The following RIMS2 variants were observed in gnomAD, a reference collection of about 807,000 sequenced individuals.
RIMS2 encodes regulating synaptic membrane exocytosis 2.
Under a neutral mutation model 174.4 loss-of-function variants are expected in RIMS2, and 59 were observed. The ratio of observed to expected loss-of-function variants is 0.34; its 90% CI spans 0.27 to 0.42. RIMS2 has a LOEUF of 0.42. Among genes scored for constraint, RIMS2 ranks in the 10% least tolerant of loss-of-function variants. The pLI, the probability that RIMS2 is intolerant of heterozygous loss-of-function variation, is 1.00. For missense variants in RIMS2, 1,620 were observed against 1,666.3 expected, an observed-to-expected ratio of 0.97 and a Z score of 0.48; for synonymous variants, 606 against 572.5, an observed-to-expected ratio of 1.06 and a Z score of -0.84.
chr8:104,211,601 G>A (rs183968023), intron 19 of RIMS2, among the ~76,000 whole-genome samples: 60 of 149,992 alleles, frequency 4.0e-4, no homozygotes, highest in African/African-American at 1.4e-3. Context: ...GTTTCGCTCT[G>A]TTGCCCCGAC....
At chr8:103,554,493 C>G (rs1849530299) in intron 1 of RIMS2, among the ~76,000 whole-genome samples, 1 of 152,126 alleles carries the variant, frequency 6.6e-6, no homozygotes, top group East Asian at 1.9e-4. Flanking sequence ...GAGATACCAT[C>G]TCACCAGTCA....
chr8:103,603,288 C>A (rs895918250), intron 1 of RIMS2, among the ~76,000 whole-genome samples: 2 of 151,614 alleles, frequency 1.3e-5, no homozygotes, highest in African/African-American at 2.4e-5. Context: ...GAGAATGATG[C>A]TTTCCAATTT....
At chr8:103,992,538 G>A (rs111683536) in intron 17 of RIMS2, among the ~76,000 whole-genome samples, 2 of 152,164 alleles carry the variant, frequency 1.3e-5, no homozygotes, top group African/African-American at 4.8e-5. Context: ...AAGACCAAGA[G>A]CAAGGATAGA....
At chr8:103,904,589 C>T (rs1231289824) in intron 4 of RIMS2, among the ~76,000 whole-genome samples, 2 of 151,970 alleles carry the variant, frequency 1.3e-5, no homozygotes, top group Non-Finnish European at 2.9e-5. Context: ...ATATGTGGAT[C>T]ACACTGATTT....
chr8:103,996,155 A>C (rs1325995272), intron 17 of RIMS2, among the ~76,000 whole-genome samples: 2 of 151,894 alleles, frequency 1.3e-5, no homozygotes, highest in East Asian at 3.9e-4. Flanking sequence ...TACCTGAGAG[A>C]CTGCTATGAC....
intron 15 of RIMS2, among the ~76,000 whole-genome samples, chr8:103,963,748 G>T (rs903461614): frequency 2.0e-5 from 3 of 152,104 alleles, no homozygotes; most frequent in East Asian, 3.9e-4. Flanking sequence ...CTCACTCTTG[G>T]TGTCAAATAT....
chr8:103,818,824 A>C (rs2098733993), intron 3 of RIMS2, among the ~76,000 whole-genome samples: 1 of 152,158 alleles, frequency 6.6e-6, no homozygotes, highest in South Asian at 2.1e-4. Flanking sequence ...ATGTTTTCCA[A>C]ATGTACTTCT....
At chr8:104,081,810 T>G (rs2097425468) in intron 19 of RIMS2, among the ~76,000 whole-genome samples, 1 of 152,086 alleles carries the variant, frequency 6.6e-6, no homozygotes, top group Non-Finnish European at 1.5e-5. Context: ...TAAAATATGG[T>G]GAACTTGTGA....
chr8:103,792,557 G>A (rs559655718), intron 3 of RIMS2, among the ~76,000 whole-genome samples: 1 of 146,948 alleles, frequency 6.8e-6, no homozygotes, highest in South Asian at 2.1e-4. Flanking sequence ...CAGAAGGCAA[G>A]AAATAACTAA....
At chr8:104,015,936 C>A (rs1036592085) in intron 19 of RIMS2, among the ~76,000 whole-genome samples, 1 of 151,982 alleles carries the variant, frequency 6.6e-6, no homozygotes, top group Admixed American at 6.6e-5. Context: ...TTGTGGCTTG[C>A]GTTTCCAACA....
rs534339065 is a variant in RIMS2, at chr8:104,234,256, T to A, written c.3335-10660T>A. Among the ~76,000 whole-genome samples, 4 of 152,236 alleles carry A rather than the reference T, an allele frequency of 2.6e-5. No individual in the cohort carries two copies. The South Asian group carries it at 8.3e-4, about 32-fold the overall frequency. On this transcript the variant is annotated intron_variant, in intron 19 of 23. Coordinates refer to ENST00000504942, the Ensembl canonical transcript of RIMS2. ...CAAATAGGAACTTGAACTCATATCA[T>A]CTGATTCTAAAATGGCGTGTTCATC...
intron 1 of RIMS2, among the ~76,000 whole-genome samples, chr8:103,602,333 G>C (rs770266527): frequency 6.6e-6 from 1 of 152,102 alleles, no homozygotes; most frequent in Non-Finnish European, 1.5e-5. Flanking sequence ...TTGGGGTTAC[G>C]TGTGCAGGTT....
chr8:103,593,507 A>G (rs918779562), intron 1 of RIMS2, among the ~76,000 whole-genome samples: 2 of 151,484 alleles, frequency 1.3e-5, no homozygotes, highest in Admixed American at 1.3e-4. Flanking sequence ...AAAGATATCT[A>G]TAATGACCTG....
chr8:104,106,308 C>T (rs991330172), intron 19 of RIMS2, among the ~76,000 whole-genome samples: 1 of 151,834 alleles, frequency 6.6e-6, no homozygotes, highest in Non-Finnish European at 1.5e-5. Flanking sequence ...TTAGTAACTT[C>T]TATTTATTTG....
At chr8:104,101,418 C>T (rs1355078011) in intron 19 of RIMS2, among the ~76,000 whole-genome samples, 9 of 152,036 alleles carry the variant, frequency 5.9e-5, no homozygotes, top group African/African-American at 1.4e-4. Context: ...CATGAGCCAC[C>T]GTGCCCGGCC....
intron 19 of RIMS2, among the ~76,000 whole-genome samples, chr8:104,045,043 A>G (rs2154558069): frequency 6.6e-6 from 1 of 152,006 alleles, no homozygotes; most frequent in Middle Eastern, 3.4e-3. Context: ...TGACTGTAGT[A>G]TGTGACCAAT....
chr8:104,067,306 C>T (rs1417569818), intron 19 of RIMS2, among the ~76,000 whole-genome samples: 4 of 152,094 alleles, frequency 2.6e-5, no homozygotes, highest in African/African-American at 7.2e-5. Flanking sequence ...TCATTTTTCC[C>T]AGTATGTAGA....
chr8:103,759,564 C>CAAAAAAAAAAAAAA (rs35946104), intron 2 of RIMS2, among the ~76,000 whole-genome samples: 15 of 70,016 alleles, frequency 2.1e-4, no homozygotes, highest in Non-Finnish European at 3.2e-4. Context: ...GACTCCGTCT[C>CAAAAAAAAAAAAAA]AAAAAAAAAA....
intron 19 of RIMS2, among the ~76,000 whole-genome samples, chr8:104,043,426 G>C (rs371577118): frequency 1.3e-5 from 2 of 151,498 alleles, no homozygotes; most frequent in East Asian, 1.9e-4. Flanking sequence ...TTAATCATTT[G>C]GATCACAGTT....
Sources: gnomAD v4.1 joint callset for allele counts (sites outside exome capture counted in the v4.1 genomes callset) on GRCh38, gnomAD v4.1.1 for gene constraint, MANE v1.5 for transcripts, NCBI Gene and HGNC (gene_info 2026-07-23, HGNC 2026-07-21) for gene names.